VWA8: variants seen among roughly 807,000 people sequenced by gnomAD.
VWA8 encodes von Willebrand factor A domain containing 8, also known as von Willebrand factor A domain-containing protein 8.
VWA8 carries 221 observed loss-of-function variants against 241.5 expected under a neutral mutation model. The ratio of observed to expected loss-of-function variants is 0.91; its 90% CI spans 0.82 to 1.02. The LOEUF (loss-of-function observed/expected upper bound fraction) is 1.02. VWA8 is among the 50% of genes least tolerant of loss of function. The pLI, the probability that VWA8 is intolerant of heterozygous loss-of-function variation, is 0.00. For synonymous variants in VWA8, 852 were observed against 827.1 expected (o/e 1.03, Z -0.52); for missense variants, 2,322 against 2,328.7 (o/e 1.00, Z 0.06).
At chr13:41,743,754 C>T in intron 21 of VWA8, among the ~76,000 whole-genome samples, 1 of 152,124 alleles carries the variant, frequency 6.6e-6, no homozygotes, top group East Asian at 1.9e-4. Flanking sequence ...TTGTTCATTG[C>T]CTATCTTCTC....
intron 24 of VWA8, among the ~76,000 whole-genome samples, chr13:41,722,941 C>T (rs1448209839): frequency 6.6e-6 from 1 of 152,090 alleles, no homozygotes; most frequent in Non-Finnish European, 1.5e-5. Flanking sequence ...CTGTGTAGGA[C>T]ACTGCAAACT....
At chr13:41,649,366 T>C (rs1003632909) in intron 37 of VWA8, among the ~76,000 whole-genome samples, 1 of 152,202 alleles carries the variant, frequency 6.6e-6, no homozygotes, top group Non-Finnish European at 1.5e-5. Context: ...CTAGTTTTAA[T>C]AATTGTAAAA....
intron 26 of VWA8, among the ~76,000 whole-genome samples, chr13:41,709,024 T>C (rs1452639303): frequency 6.6e-6 from 1 of 152,228 alleles, no homozygotes; most frequent in East Asian, 1.9e-4. Flanking sequence ...TCTTATGTTC[T>C]TTCCTTTTCT....
chr13:41,704,817 T>C (rs1324104517), intron 26 of VWA8, among the ~76,000 whole-genome samples: 4 of 152,232 alleles, frequency 2.6e-5, no homozygotes, highest in East Asian at 1.9e-4. Context: ...AACCATTGAT[T>C]TGTCATTTAA....
chr13:41,678,420 T>C (rs1014110621), intron 35 of VWA8, among the ~76,000 whole-genome samples: 3 of 152,322 alleles, frequency 2.0e-5, no homozygotes, highest in Middle Eastern at 3.4e-3. Context: ...AAGTTTTGTA[T>C]CATATATCAT....
At chr13:41,869,406 A>G (rs144621029) in intron 9 of VWA8, among the ~76,000 whole-genome samples, 89 of 152,052 alleles carry the variant, frequency 5.9e-4, no homozygotes, top group African/African-American at 2.0e-3. Flanking sequence ...CGCCAAGGCA[A>G]GCGGATCACC....
At chr13:41,634,841 T>A (rs1339059328) in intron 37 of VWA8, among the ~76,000 whole-genome samples, 1 of 152,234 alleles carries the variant, frequency 6.6e-6, no homozygotes, top group Non-Finnish European at 1.5e-5. Context: ...TTAAATAATA[T>A]TTTTATACGA....
chr13:41,912,059 G>T lies in VWA8; in HGVS notation c.351C>A (p.Arg117=). 2 of 1,598,568 alleles carry T rather than the reference G, an allele frequency of 1.3e-6. No homozygotes were observed. Among genetic ancestry groups the T allele is most frequent in the Non-Finnish European group, 1.7e-6 (2 of 1,170,696 alleles). Residue 117 remains arginine (R), a synonymous_variant, in exon 3 of 45, where the codon CGC becomes CGA. Transcript: ENST00000379310. ...FLIGPPGPLR[R]SIAMQYLELT... ...TCACCAAGTACTGCATAGCAATAGA[G>T]CGTCGAAGAGGCCCAGGAGGTCCTA...
intron 15 of VWA8, among the ~76,000 whole-genome samples, chr13:41,818,660 T>G (rs557213422): frequency 6.6e-6 from 1 of 152,274 alleles, no homozygotes; most frequent in Non-Finnish European, 1.5e-5. Context: ...ACCACAATGC[T>G]TAAGGCACAC....
At chr13:41,893,517 C>A (rs1593850626) in intron 4 of VWA8, among the ~76,000 whole-genome samples, 1 of 143,020 alleles carries the variant, frequency 7.0e-6, no homozygotes, top group Admixed American at 6.9e-5. Context: ...TAAAGAACAA[C>A]AACAAAAAAA....
At chr13:41,618,017 G>T (rs1054983663) in intron 37 of VWA8, among the ~76,000 whole-genome samples, 8 of 152,122 alleles carry the variant, frequency 5.3e-5, no homozygotes, top group African/African-American at 1.9e-4. Context: ...TGGGTCAAAT[G>T]GTATTTCTAG....
chr13:41,927,279 AAAACCC>A, intron 2 of VWA8: 2 of 511,388 alleles, frequency 3.9e-6, no homozygotes, highest in Non-Finnish European at 8.0e-6. Context: ...TTCCTGCTAT[AAAACCC>A]AAAGACAAGG....
intron 10 of VWA8, among the ~76,000 whole-genome samples, chr13:41,867,233 T>C (rs1269058927): frequency 6.6e-6 from 1 of 152,208 alleles, no homozygotes; most frequent in Non-Finnish European, 1.5e-5. Context: ...AAAAATCCTA[T>C]ATTATTCTTG....
rs542801926 is a variant in VWA8 at position 41,691,884 on chromosome 13, T to C, written c.3730A>G (p.Lys1244Glu). 7 of 1,610,260 alleles carry C rather than the reference T, an allele frequency of 4.3e-6. No homozygotes were observed. The East Asian group carries it at 1.6e-4, about 36-fold the overall frequency. ...TAATAAAGAGCTCACCCTTTTTCTTTGTAGAACACCAGCCAGTTTTTGTGT... is the reference window on the plus strand; with the variant it reads ...TAATAAAGAGCTCACCCTTTTTCTTCGTAGAACACCAGCCAGTTTTTGTGT... ...FSHKNWLVFY[K>E]EKGNSLTVLD... The change falls in exon 31 of 45, where the codon AAA becomes GAA. Residue 1244 changes from lysine to glutamate, a missense_variant. Physicochemically the swap from Lys to Glu is moderately conservative, Grantham distance 56. Coordinates refer to ENST00000379310, the MANE Select transcript of VWA8 (RefSeq NM_015058.2).
At chr13:41,798,448 T>C (rs1869802365) in intron 17 of VWA8, among the ~76,000 whole-genome samples, 1 of 152,194 alleles carries the variant, frequency 6.6e-6, no homozygotes, top group African/African-American at 2.4e-5. Context: ...GCATTGATAG[T>C]TATTTTCTCT....
intron 42 of VWA8, among the ~76,000 whole-genome samples, chr13:41,576,706 C>T (rs772085114): frequency 3.9e-5 from 6 of 152,156 alleles, no homozygotes; most frequent in Non-Finnish European, 7.3e-5. Context: ...ATACATCAGG[C>T]TACCAACTGT....
chr13:41,942,069 C>A (rs1877626147), intron 2 of VWA8, among the ~76,000 whole-genome samples: 1 of 152,072 alleles, frequency 6.6e-6, no homozygotes, highest in Non-Finnish European at 1.5e-5. Flanking sequence ...TGCCCTTTTC[C>A]CCCCAATTAT....
intron 18 of VWA8, 69 bp from the exon 19 acceptor site, chr13:41,783,970 C>T: frequency 1.8e-6 from 2 of 1,119,274 alleles, no homozygotes. Flanking sequence ...CCACCCAACA[C>T]AGAATGCAAT....
chr13:41,941,939 C>CA (rs1182369008), intron 2 of VWA8, among the ~76,000 whole-genome samples: 1 of 152,150 alleles, frequency 6.6e-6, no homozygotes, highest in African/African-American at 2.4e-5. Flanking sequence ...CTACAGAACT[C>CA]AAATTACATA....
Sources: allele counts gnomAD v4.1 joint callset (sites outside exome capture counted in the v4.1 genomes callset), GRCh38; gene constraint gnomAD v4.1.1; transcripts MANE v1.5; gene names NCBI Gene and HGNC (gene_info 2026-07-23, HGNC 2026-07-21).